Variants in GRHL2 observed in about 807,000 individuals in gnomAD.
The protein encoded by GRHL2 is grainyhead-like protein 2 homolog.
GRHL2 carries 21 observed loss-of-function variants against 83.8 expected under a neutral mutation model. That is an observed-to-expected ratio of 0.25 (90% CI 0.18 to 0.36). GRHL2 has a LOEUF of 0.36. GRHL2 is among the 10% of genes least tolerant of loss of function. The probability of loss-of-function intolerance (pLI) is 1.00; values close to 1 mark genes in which losing one functional copy is unlikely to be tolerated. For missense variants in GRHL2, 623 were observed against 781.8 expected (o/e 0.80, Z 2.42); for synonymous variants, 280 against 278.9 (o/e 1.00, Z -0.04).
chr8:101,512,137 C>G (rs1810479862), intron 1 of GRHL2, among the ~76,000 whole-genome samples: 1 of 150,594 alleles, frequency 6.6e-6, no homozygotes, highest in East Asian at 1.9e-4. Flanking sequence ...AAAAAAATCT[C>G]TCTGGTTATT....
At chr8:101,588,088 G>A (rs1040026149) in intron 7 of GRHL2, among the ~76,000 whole-genome samples, 1 of 152,000 alleles carries the variant, frequency 6.6e-6, no homozygotes, top group African/African-American at 2.4e-5. Context: ...CTCTGCTTTT[G>A]GAAAGACATG....
chr8:101,543,522 A>T (rs747378549), intron 2 of GRHL2, 86 bp downstream of exon 2: 13 of 1,277,986 alleles, frequency 1.0e-5, no homozygotes, highest in East Asian at 9.4e-5. Flanking sequence ...TGTTTGTCCC[A>T]GGCCAGGGAA....
chr8:101,597,943 A>G (rs1812426425), intron 7 of GRHL2, among the ~76,000 whole-genome samples: 1 of 152,214 alleles, frequency 6.6e-6, no homozygotes, highest in Non-Finnish European at 1.5e-5. Flanking sequence ...TTAAATTTGA[A>G]TTTCTGATAA....
chr8:101,675,396 G>T, the GRHL2 span, among the ~76,000 whole-genome samples: 1 of 152,130 alleles, frequency 6.6e-6, no homozygotes, highest in South Asian at 2.1e-4. Flanking sequence ...AAAATCACAA[G>T]CATTCTTATA....
chr8:101,509,143 TTCCTTC>T (rs1810403487), intron 1 of GRHL2, among the ~76,000 whole-genome samples: 1 of 79,654 alleles, frequency 1.3e-5, no homozygotes, highest in African/African-American at 3.6e-5. Flanking sequence ...CCTTCCTTCC[TTCCTTC>T]CTTCCTTCCT....
intron 8 of GRHL2, among the ~76,000 whole-genome samples, chr8:101,599,648 C>T (rs1484443515): frequency 6.6e-6 from 1 of 152,194 alleles, no homozygotes; most frequent in African/African-American, 2.4e-5. Flanking sequence ...TGACCTTCAG[C>T]CACTTGTTTA....
intron 12 of GRHL2, among the ~76,000 whole-genome samples, chr8:101,641,999 C>G (rs1247557179): frequency 2.0e-5 from 3 of 152,152 alleles, no homozygotes; most frequent in Admixed American, 6.5e-5. Flanking sequence ...ATGTCCAGTA[C>G]AGATGCAAAT....
At chr8:101,610,897 A>G (rs1345127696) in intron 8 of GRHL2, among the ~76,000 whole-genome samples, 4 of 150,934 alleles carry the variant, frequency 2.7e-5, no homozygotes, top group African/African-American at 9.9e-5. Context: ...AACCGAGAAG[A>G]TGGTGAACTA....
At chr8:101,572,427 C>A (rs1326674196) in intron 5 of GRHL2, among the ~76,000 whole-genome samples, 1 of 152,094 alleles carries the variant, frequency 6.6e-6, no homozygotes, top group African/African-American at 2.4e-5. Flanking sequence ...TTCAGATTTT[C>A]TTATTATAAA....
At chr8:101,521,404 C>T (rs1303481012) in intron 1 of GRHL2, among the ~76,000 whole-genome samples, 1 of 152,156 alleles carries the variant, frequency 6.6e-6, no homozygotes, top group Non-Finnish European at 1.5e-5. Flanking sequence ...GATCTTTGGC[C>T]CATGATGCTT....
intron 1 of GRHL2, among the ~76,000 whole-genome samples, chr8:101,495,636 C>T (rs1335813484): frequency 4.6e-5 from 7 of 152,076 alleles, no homozygotes; most frequent in Admixed American, 4.6e-4. Context: ...ATTTGATACT[C>T]ACAGGTGTTT....
At position 101,669,246 on chromosome 8, in the gene GRHL2, A is replaced by ATTTTTT. The variant is rs1296511438; in HGVS notation, c.*2545_*2550dup. On this transcript the variant is annotated 3_prime_UTR_variant, in exon 16 of 16. Transcript: ENST00000646743. The stretch of plus-strand genomic sequence containing the variant: ...AAGATCATGGACATGTGAAATGAGC[A>ATTTTTT]TTTTTTTCTTTTTTTTTTTTAACAA... 2.1e-4 allele frequency: 2 copies of ATTTTTT among 9,716 alleles called. No individual in the cohort carries two copies. Among genetic ancestry groups the ATTTTTT allele is most frequent in the African/African-American group, 4.1e-4 (1 of 2,450 alleles). 0.6% of individuals were successfully genotyped at this position (9,716 alleles called of 1,614,324 possible).
chr8:101,595,022 T>C (rs1376160994), intron 7 of GRHL2, among the ~76,000 whole-genome samples: 1 of 152,234 alleles, frequency 6.6e-6, no homozygotes, highest in East Asian at 1.9e-4. Context: ...AGATTAAGGA[T>C]AATCGTCTTG....
chr8:101,672,030 C>A (rs1814219394), downstream of GRHL2, among the ~76,000 whole-genome samples: 1 of 151,810 alleles, frequency 6.6e-6, no homozygotes, highest in Non-Finnish European at 1.5e-5. Flanking sequence ...ACAGAAAGGA[C>A]ATCCACACCA....
At chr8:101,627,666 G>C (rs574635925) in intron 9 of GRHL2, among the ~76,000 whole-genome samples, 2 of 152,246 alleles carry the variant, frequency 1.3e-5, no homozygotes, top group South Asian at 2.1e-4. Context: ...CATATCAAAA[G>C]CTGACACAGG....
intron 1 of GRHL2, among the ~76,000 whole-genome samples, chr8:101,518,728 C>G (rs909119409): frequency 7.2e-5 from 11 of 152,202 alleles, no homozygotes; most frequent in African/African-American, 2.4e-4. Flanking sequence ...TGCTGCTTCT[C>G]TTTTCTCCCA....
In GRHL2 at chr8:101,492,622, GA is replaced by G; in HGVS notation, c.-147del. 1 of 764,626 alleles carries G rather than the reference GA, an allele frequency of 1.3e-6. No individual in the cohort carries two copies. The highest frequency in any genetic ancestry group is 2.4e-6 in the Non-Finnish European group (1 of 418,500). The allele number at this position is 764,626 out of a possible 1,614,324, so 47.4% of individuals were successfully genotyped here. On this transcript the variant is annotated 5_prime_UTR_variant, in exon 1 of 16. Transcript: ENST00000646743. ...GAGCGGGCGAGCGAGCGAGAGTGGT[GA>G]GGGGGGACGGAAAAGCAGAATTACC...
intron 1 of GRHL2, among the ~76,000 whole-genome samples, chr8:101,517,167 G>T (rs550117721): frequency 1.3e-5 from 2 of 152,186 alleles, no homozygotes; most frequent in African/African-American, 2.4e-5. Context: ...GTAAAGGGAA[G>T]CTGGGGATAC....
intron 14 of GRHL2, among the ~76,000 whole-genome samples, chr8:101,655,147 A>G (rs1813757840): frequency 6.6e-6 from 1 of 150,918 alleles, no homozygotes; most frequent in African/African-American, 2.4e-5. Flanking sequence ...GCGCCATTGC[A>G]CTCCAGCCTG....
Sources: allele counts gnomAD v4.1 joint callset (sites outside exome capture counted in the v4.1 genomes callset), GRCh38; gene constraint gnomAD v4.1.1; transcripts MANE v1.5; gene names NCBI Gene and HGNC (gene_info 2026-07-23, HGNC 2026-07-21).